The following TIMD4 variants were observed in gnomAD, a reference collection of about 807,000 sequenced individuals.
The protein encoded by TIMD4 is T cell immunoglobulin and mucin domain containing 4, also known as T-cell immunoglobulin and mucin domain-containing protein 4.
A neutral mutation model predicts 41.2 loss-of-function variants in TIMD4; 31 were observed. That is an observed-to-expected ratio of 0.75 (90% confidence interval 0.57 to 1.01). The LOEUF (loss-of-function observed/expected upper bound fraction) is 1.01, where lower values mean the gene tolerates loss of function less well. TIMD4 is among the 50% of genes least tolerant of loss of function. The pLI is 0.00. For missense variants in TIMD4, 479 were observed against 472.5 expected, an observed-to-expected ratio of 1.01 and a Z score of -0.13; for synonymous variants, 204 against 177.1, an observed-to-expected ratio of 1.15 and a Z score of -1.21.
At chr5:156,945,488 T>C (rs1759722633) in intron 5 of TIMD4, among the ~76,000 whole-genome samples, 1 of 152,120 alleles carries the variant, frequency 6.6e-6, no homozygotes, top group Non-Finnish European at 1.5e-5. Flanking sequence ...TGTTGTGAGA[T>C]TCAAATAAGA....
chr5:156,953,010 G>A (rs568803160), intron 2 of TIMD4, among the ~76,000 whole-genome samples: 4 of 152,282 alleles, frequency 2.6e-5, no homozygotes, highest in South Asian at 2.1e-4. Context: ...ATTAGCTACC[G>A]TTTATTCGAC....
chr5:156,942,818 A>G (rs557873436), intron 5 of TIMD4, among the ~76,000 whole-genome samples: 5 of 152,360 alleles, frequency 3.3e-5, no homozygotes, highest in Non-Finnish European at 7.3e-5. Flanking sequence ...TATAGAGTGG[A>G]GCCTCAATAG....
At chr5:156,962,546 A>G (rs1007013041) in intron 1 of TIMD4, among the ~76,000 whole-genome samples, 1 of 152,158 alleles carries the variant, frequency 6.6e-6, no homozygotes, top group Non-Finnish European at 1.5e-5. Context: ...CAATTTAGAC[A>G]TATTCCCAGT....
At chr5:156,920,908 G>A (rs35690183) in intron 7 of TIMD4, among the ~76,000 whole-genome samples, 32,385 of 152,130 alleles carry the variant, frequency 0.21, 4,036 homozygotes, top group Admixed American at 0.32. Flanking sequence ...TGCACCTGGG[G>A]CAGGTGTTGA....
intron 5 of TIMD4, among the ~76,000 whole-genome samples, chr5:156,927,748 A>C (rs1759373750): frequency 6.6e-6 from 1 of 152,170 alleles, no homozygotes; most frequent in Non-Finnish European, 1.5e-5. Context: ...ACCAGTTCCT[A>C]CTTGAGACAC....
chr5:156,953,782 A>G (rs1759910366), intron 2 of TIMD4, among the ~76,000 whole-genome samples: 1 of 152,172 alleles, frequency 6.6e-6, no homozygotes, highest in Non-Finnish European at 1.5e-5. Flanking sequence ...CAGGTGGAAT[A>G]CAGAGCTCAT....
chr5:156,962,022 A>T (rs965302924), intron 1 of TIMD4, among the ~76,000 whole-genome samples: 6 of 152,092 alleles, frequency 3.9e-5, no homozygotes, highest in Non-Finnish European at 2.9e-5. Flanking sequence ...GAGCTAAAAA[A>T]GTTGATCTCA....
intron 1 of TIMD4, among the ~76,000 whole-genome samples, chr5:156,955,605 G>T (rs571564702): frequency 6.6e-6 from 1 of 151,510 alleles, no homozygotes; most frequent in African/African-American, 2.4e-5. Context: ...GCAGTGAGCC[G>T]AGATCATGCC....
At chr5:156,951,367 G>T in intron 3 of TIMD4, 145 bp downstream of exon 3, 1 of 992,654 alleles carries the variant, frequency 1.0e-6, no homozygotes. Flanking sequence ...CCCAGTCTGC[G>T]GTGTTTGTTT....
chr5:156,932,811 C>T (rs1391385760), intron 5 of TIMD4, among the ~76,000 whole-genome samples: 1 of 152,052 alleles, frequency 6.6e-6, no homozygotes, highest in Non-Finnish European at 1.5e-5. Flanking sequence ...CAAGACCAGC[C>T]TGGCCAACAT....
At chr5:156,920,267 T>A (rs142325827) in intron 8 of TIMD4, among the ~76,000 whole-genome samples, 197 bp downstream of exon 8, 6 of 152,226 alleles carry the variant, frequency 3.9e-5, no homozygotes, top group Non-Finnish European at 8.8e-5. Flanking sequence ...GGTACTGGCA[T>A]TTTGCTCAGA....
chr5:156,940,858 G>A (rs1759636934), intron 5 of TIMD4, among the ~76,000 whole-genome samples: 1 of 152,294 alleles, frequency 6.6e-6, no homozygotes, highest in Admixed American at 6.5e-5. Context: ...GACGATGGCG[G>A]TTTTGTTGAA....
chr5:156,954,544 G>T lies in TIMD4; in HGVS notation c.271C>A (p.Pro91Thr). Residue 91 changes from proline to threonine, a missense_variant, in exon 2 of 9, where the codon CCG becomes ACG. Transcript: ENST00000274532. ...ATGGTCAAGGAGACATCACCTCTCG[G>T]GATAGTCCCCTGAAGTCTATATTTT... ...SAKYRLQGTI[P>T]RGDVSLTILN... 6.2e-7 allele frequency: 1 copy of T among 1,614,208 alleles called. No individual in the cohort carries two copies.
intron 3 of TIMD4, among the ~76,000 whole-genome samples, chr5:156,950,577 C>T (rs1759833644): frequency 6.6e-6 from 1 of 152,182 alleles, no homozygotes; most frequent in Non-Finnish European, 1.5e-5. Flanking sequence ...ATTGCTTTCC[C>T]AATTCTTACT....
chr5:156,951,919 C>T, intron 2 of TIMD4, 129 bp from the exon 3 acceptor site: 1 of 1,286,828 alleles, frequency 7.8e-7, no homozygotes, highest in East Asian at 2.3e-5. Flanking sequence ...GATTGTAATG[C>T]CCAATAAAAT....
intron 5 of TIMD4, among the ~76,000 whole-genome samples, chr5:156,930,010 A>G (rs1044076730): frequency 8.5e-5 from 13 of 152,168 alleles, no homozygotes; most frequent in African/African-American, 2.9e-4. Context: ...TCGCTCGGTC[A>G]CCCAGGCTGC....
intron 1 of TIMD4, among the ~76,000 whole-genome samples, chr5:156,961,902 T>C (rs1222191596): frequency 7.6e-6 from 1 of 131,932 alleles, no homozygotes; most frequent in Non-Finnish European, 1.6e-5. Flanking sequence ...AAAAAAAGAA[T>C]GAAACTCAGT....
chr5:156,929,212 A>C (rs1324100496), intron 5 of TIMD4, among the ~76,000 whole-genome samples: 1 of 152,124 alleles, frequency 6.6e-6, no homozygotes, highest in Non-Finnish European at 1.5e-5. Context: ...AGGCAAAACT[A>C]CTGATTTCCA....
chr5:156,948,653 T>C (rs1279035638), intron 4 of TIMD4, among the ~76,000 whole-genome samples, 154 bp from the exon 5 acceptor site: 1 of 152,240 alleles, frequency 6.6e-6, no homozygotes, highest in Admixed American at 6.5e-5. Flanking sequence ...GTGACCTACA[T>C]GCATTCTGTC....
Sources: allele counts gnomAD v4.1 joint callset (sites outside exome capture counted in the v4.1 genomes callset), GRCh38; gene constraint gnomAD v4.1.1; transcripts MANE v1.5; gene names NCBI Gene and HGNC (gene_info 2026-07-23, HGNC 2026-07-21).